The following PRKAR1A variants were observed in gnomAD, a reference collection of about 807,000 sequenced individuals.
PRKAR1A encodes the protein protein kinase cAMP-dependent type I regulatory subunit alpha, also known as cAMP-dependent protein kinase type I-alpha regulatory subunit.
A neutral mutation model predicts 52.0 loss-of-function variants in PRKAR1A; 3 were observed. That is an observed-to-expected ratio of 0.06 (90% confidence interval 0.03 to 0.15). The LOEUF (loss-of-function observed/expected upper bound fraction) is 0.15. Ranked by LOEUF, PRKAR1A falls within the 10% of genes least tolerant of loss-of-function variation. The probability of loss-of-function intolerance (pLI) is 1.00; values close to 1 mark genes in which losing one functional copy is unlikely to be tolerated. For synonymous variants in PRKAR1A, 188 were observed against 168.4 expected, an observed-to-expected ratio of 1.12 and a Z score of -0.90; for missense variants, 240 against 477.4, an observed-to-expected ratio of 0.50 and a Z score of 4.63.
downstream of PRKAR1A, chr17:68,535,422 A>G (rs1432853916): frequency 4.4e-6 from 2 of 453,994 alleles, no homozygotes; most frequent in Non-Finnish European, 8.8e-6. Context: ...GTAGAGCTGT[A>G]GCCTGCTTTC....
At position 68,531,182 on chromosome 17, in the gene PRKAR1A, TG is replaced by T; in HGVS notation, c.*735del. 1 of 1,065,722 alleles carries T rather than the reference TG, an allele frequency of 9.4e-7. No individual in the cohort carries two copies. The highest frequency in any genetic ancestry group is 1.1e-6 in the Non-Finnish European group (1 of 878,958). 66.0% of individuals were successfully genotyped at this position (1,065,722 alleles called of 1,614,324 possible). The stretch of plus-strand genomic sequence containing the variant: ...AAACTAACTCATAGATTGCAAATAT[TG>T]GTTAGTATTTAACTACATCTGCCTC... On this transcript the variant is annotated 3_prime_UTR_variant, in exon 11 of 11. Transcript: ENST00000589228.
chr17:68,539,315 T>C (rs1380157921), intron 11 of PRKAR1A: 1 of 1,613,656 alleles, frequency 6.2e-7, no homozygotes, highest in African/African-American at 1.3e-5. Flanking sequence ...TTGCCCGTAT[T>C]ATCTGCTGCA....
intron 3 of PRKAR1A, 80 bp from the exon 4 acceptor site, chr17:68,523,645 C>G (rs2085687562): frequency 1.9e-6 from 2 of 1,062,404 alleles, no homozygotes; most frequent in African/African-American, 1.6e-5. Context: ...TGTGGCTTGA[C>G]ATTTAATTGA....
At chr17:68,523,457 G>T (rs749722328) in intron 3 of PRKAR1A, among the ~76,000 whole-genome samples, 1 of 152,166 alleles carries the variant, frequency 6.6e-6, no homozygotes, top group Non-Finnish European at 1.5e-5. Flanking sequence ...CTTGGTCCAG[G>T]TGTTTTGATT....
upstream of PRKAR1A, among the ~76,000 whole-genome samples, chr17:68,511,003 A>G (rs912474477): frequency 6.6e-6 from 1 of 152,216 alleles, no homozygotes; most frequent in East Asian, 1.9e-4. Context: ...AAAAAACAAA[A>G]GTGAAATTAA....
chr17:68,475,262 T>C, the PRKAR1A span, among the ~76,000 whole-genome samples: 2 of 152,230 alleles, frequency 1.3e-5, no homozygotes, highest in East Asian at 3.8e-4. Context: ...AGAATTTCCT[T>C]GGCATCAGGC....
downstream of PRKAR1A, among the ~76,000 whole-genome samples, chr17:68,537,941 A>T (rs910001280): frequency 6.6e-6 from 1 of 152,174 alleles, no homozygotes; most frequent in African/African-American, 2.4e-5. This position sits in a 1 kb window ranked among gnomAD's most constrained non-coding sequence, Gnocchi z 4.2. Context: ...CCTTTGCCCA[A>T]TTGCGATTTG....
chr17:68,547,277 AT>A (rs912095594), intron 11 of PRKAR1A, among the ~76,000 whole-genome samples: 2 of 152,010 alleles, frequency 1.3e-5, no homozygotes, highest in East Asian at 3.9e-4. Context: ...TATTATTATT[AT>A]TTTTTTATTA....
At chr17:68,523,424 T>C (rs1424733375) in intron 3 of PRKAR1A, among the ~76,000 whole-genome samples, 1 of 152,234 alleles carries the variant, frequency 6.6e-6, no homozygotes, top group East Asian at 1.9e-4. Flanking sequence ...ATAAAATACT[T>C]AGTTTTGCCT....
intron 2 of PRKAR1A, 145 bp from the exon 3 acceptor site, chr17:68,522,611 C>A: frequency 1.2e-6 from 1 of 860,188 alleles, no homozygotes; most frequent in Non-Finnish European, 1.9e-6. Context: ...TTTTTTTCCC[C>A]TTTGGAATTG....
upstream of PRKAR1A, among the ~76,000 whole-genome samples, chr17:68,511,101 G>T (rs146282663): frequency 3.4e-3 from 521 of 152,222 alleles, 2 homozygotes; most frequent in African/African-American, 0.012. Flanking sequence ...TTTGTATTGT[G>T]TTGAGTTCAT....
the PRKAR1A span, among the ~76,000 whole-genome samples, chr17:68,490,750 A>G: frequency 6.6e-6 from 1 of 152,126 alleles, no homozygotes; most frequent in East Asian, 1.9e-4. Flanking sequence ...CTTTCCTATT[A>G]TCCTGAATGG....
the PRKAR1A span, chr17:68,421,404 T>C: frequency 4.3e-6 from 1 of 234,712 alleles, no homozygotes; most frequent in Non-Finnish European, 8.6e-6. Context: ...GTATGTAATA[T>C]ACAAGAAATA....
chr17:68,418,764 G>A, the PRKAR1A span, among the ~76,000 whole-genome samples: 1 of 152,030 alleles, frequency 6.6e-6, no homozygotes, highest in Non-Finnish European at 1.5e-5. Flanking sequence ...ATCCTACAGG[G>A]TCCCCTGTAG....
chr17:68,502,368 A>G, the PRKAR1A span, among the ~76,000 whole-genome samples: 8 of 152,362 alleles, frequency 5.3e-5, no homozygotes, highest in African/African-American at 9.6e-5. Context: ...AAGTCAAAGA[A>G]TGTGACACAT....
chr17:68,414,092 GGGAGCTGTAGACC>G, the PRKAR1A span: 2 of 160,060 alleles, frequency 1.2e-5, no homozygotes, highest in East Asian at 1.9e-4. Context: ...GCTCAACGCT[GGGAGCTGTAGACC>G]GGAGCTGTTC....
At chr17:68,430,330 T>C in the PRKAR1A span, among the ~76,000 whole-genome samples, 1 of 152,114 alleles carries the variant, frequency 6.6e-6, no homozygotes, top group African/African-American at 2.4e-5. Flanking sequence ...ATTCTGGCAA[T>C]AACTAAAGAG....
chr17:68,506,142 T>G, the PRKAR1A span, among the ~76,000 whole-genome samples: 1 of 152,210 alleles, frequency 6.6e-6, no homozygotes, highest in East Asian at 1.9e-4. Flanking sequence ...CCCAGATGGC[T>G]TACAACATCT....
chr17:68,439,911 G>T, the PRKAR1A span, among the ~76,000 whole-genome samples: 12 of 152,110 alleles, frequency 7.9e-5, no homozygotes, highest in Non-Finnish European at 2.9e-5. Context: ...GGCAGAGAGA[G>T]CTAAGCAGTC....
Sources: gnomAD v4.1 joint callset for allele counts (sites outside exome capture counted in the v4.1 genomes callset) on GRCh38, gnomAD v4.1.1 for gene constraint, Gnocchi (gnomAD v3.1) non-coding constraint, MANE v1.5 for transcripts, NCBI Gene and HGNC (gene_info 2026-07-23, HGNC 2026-07-21) for gene names.